PPP1R2: variants seen among roughly 807,000 people sequenced by gnomAD.
PPP1R2 encodes the protein protein phosphatase inhibitor 2.
PPP1R2 carries 16 observed loss-of-function variants against 29.9 expected under a neutral mutation model. That is an observed-to-expected ratio of 0.53 (90% CI 0.36 to 0.81). PPP1R2 has a LOEUF of 0.81. PPP1R2 is among the 30% of genes least tolerant of loss of function. The pLI, the probability that PPP1R2 is intolerant of heterozygous loss-of-function variation, is 0.00. For synonymous variants in PPP1R2, 76 were observed against 91.5 expected, an observed-to-expected ratio of 0.83 and a Z score of 0.96; for missense variants, 197 against 252.7, an observed-to-expected ratio of 0.78 and a Z score of 1.49.
At chr3:195,537,519 G>GTGTGTGTGTGTGTGTGTGTGTGTT (rs1338052818) in intron 1 of PPP1R2, among the ~76,000 whole-genome samples, 15 of 150,282 alleles carry the variant, frequency 1.0e-4, no homozygotes, top group South Asian at 4.2e-4. Context: ...GTGTGTGTGT[G>GTGTGTGTGTGTGTGTGTGTGTGTT]TTTCCATTTC....
intron 4 of PPP1R2, 109 bp downstream of exon 4, chr3:195,523,582 TC>T: frequency 1.3e-6 from 1 of 793,960 alleles, no homozygotes. Context: ...TTCATTCTCC[TC>T]CCCTGTGTGT....
At chr3:195,535,818 A>T (rs1719357330) in intron 1 of PPP1R2, among the ~76,000 whole-genome samples, 1 of 152,184 alleles carries the variant, frequency 6.6e-6, no homozygotes, top group African/African-American at 2.4e-5. Context: ...TATTAGTACC[A>T]CATAGAAGCA....
At chr3:195,522,182 C>T (rs1718786516) in intron 4 of PPP1R2, among the ~76,000 whole-genome samples, 1 of 152,168 alleles carries the variant, frequency 6.6e-6, no homozygotes, top group African/African-American at 2.4e-5. Flanking sequence ...TTTACAGCTG[C>T]CAATTTAGAA....
At chr3:195,529,924 T>A (rs1384101865) in intron 1 of PPP1R2, 23 bp from the exon 2 acceptor site, 9 of 1,524,646 alleles carry the variant, frequency 5.9e-6, no homozygotes, top group Non-Finnish European at 8.1e-6. Context: ...AGAAAAAACG[T>A]TTTTCCCAAT....
intron 1 of PPP1R2, among the ~76,000 whole-genome samples, chr3:195,536,200 A>G (rs1354248634): frequency 6.6e-6 from 1 of 151,642 alleles, no homozygotes; most frequent in African/African-American, 2.4e-5. Flanking sequence ...GCTCATGCCT[A>G]TAAATCCCAA....
At chr3:195,533,201 T>C (rs765061511) in intron 1 of PPP1R2, among the ~76,000 whole-genome samples, 1 of 151,956 alleles carries the variant, frequency 6.6e-6, no homozygotes, top group Non-Finnish European at 1.5e-5. Context: ...ACAAAAAAAT[T>C]AGGCATGGTG....
intron 5 of PPP1R2, 122 bp downstream of exon 5, chr3:195,518,896 G>T (rs914691167): frequency 7.0e-7 from 1 of 1,425,320 alleles, no homozygotes; most frequent in Non-Finnish European, 9.5e-7. Context: ...GAAACATTTG[G>T]TATAATAAAG....
intron 3 of PPP1R2, among the ~76,000 whole-genome samples, 174 bp from the exon 4 acceptor site, chr3:195,523,960 C>T (rs192189901): frequency 2.4e-3 from 362 of 152,156 alleles, no homozygotes; most frequent in African/African-American, 8.1e-3. Flanking sequence ...TGGTGGTACA[C>T]GCCTGTGGTC....
At chr3:195,535,038 C>T (rs557365704) in intron 1 of PPP1R2, among the ~76,000 whole-genome samples, 2 of 152,284 alleles carry the variant, frequency 1.3e-5, no homozygotes, top group African/African-American at 4.8e-5. Flanking sequence ...GCACACATGG[C>T]ACTCTACGCA....
At chr3:195,528,698 AACT>A (rs1235086521) in intron 2 of PPP1R2, 23 of 118,242 alleles carry the variant, frequency 1.9e-4, no homozygotes, top group African/African-American at 6.4e-4. Context: ...GGTAGGGCAT[AACT>A]ATTTTTTTTT....
intron 5 of PPP1R2, 25 bp from the exon 6 acceptor site, chr3:195,516,967 A>G (rs1201538140): frequency 1.2e-6 from 2 of 1,601,716 alleles, no homozygotes; most frequent in Non-Finnish European, 1.7e-6. Flanking sequence ...GAAAAAGTCA[A>G]CATAATTTGT....
intron 2 of PPP1R2, among the ~76,000 whole-genome samples, chr3:195,526,926 C>G (rs1327669132): frequency 3.3e-5 from 5 of 152,010 alleles, no homozygotes; most frequent in Non-Finnish European, 1.5e-5. Context: ...GGGTTATAGG[C>G]GCCCACCACC....
chr3:195,540,450 G>A (rs528877367), intron 1 of PPP1R2, among the ~76,000 whole-genome samples: 1 of 152,310 alleles, frequency 6.6e-6, no homozygotes, highest in South Asian at 2.1e-4. Flanking sequence ...TCTGTTCAAA[G>A]AGGATCTCAT....
rs928449315 is a variant in PPP1R2 at position 195,518,940 on chromosome 3, G to A, written c.571+78C>T. 3.2e-6 allele frequency: 5 copies of A among 1,554,182 alleles called. No individual in the cohort carries two copies. In the Admixed American group the frequency reaches 7.1e-5, roughly 22 times the overall value. ...AGCAAAATTTTCTGTTTTTTCACAA[G>A]TTTAAAGCAAAATAAAGTACATTAT... is the stretch of plus-strand genomic sequence containing the variant. On this transcript the variant is annotated intron_variant, in intron 5 of 5. Transcript: ENST00000618156.
intron 1 of PPP1R2, among the ~76,000 whole-genome samples, chr3:195,531,124 A>G (rs1348374768): frequency 1.3e-5 from 2 of 152,208 alleles, no homozygotes; most frequent in East Asian, 1.9e-4. Flanking sequence ...TGCCTGGCCT[A>G]TAAGTACTTT....
At chr3:195,527,098 T>G (rs1307610164) in intron 2 of PPP1R2, among the ~76,000 whole-genome samples, 2 of 151,884 alleles carry the variant, frequency 1.3e-5, no homozygotes, top group Admixed American at 1.3e-4. Flanking sequence ...TGTTTTAATT[T>G]TTTTTGTGGA....
At chr3:195,537,418 T>TA (rs1302455428) in intron 1 of PPP1R2, among the ~76,000 whole-genome samples, 1 of 151,204 alleles carries the variant, frequency 6.6e-6, no homozygotes, top group African/African-American at 2.4e-5. Flanking sequence ...GATTTTTTTT[T>TA]AAAAAAAGAG....
At chr3:195,539,954 T>C (rs949084802) in intron 1 of PPP1R2, among the ~76,000 whole-genome samples, 18 of 152,352 alleles carry the variant, frequency 1.2e-4, no homozygotes, top group African/African-American at 4.3e-4. Flanking sequence ...TGAATTCTAT[T>C]TTTAAAAATT....
chr3:195,538,656 G>A (rs1424667432), intron 1 of PPP1R2, among the ~76,000 whole-genome samples: 1 of 152,040 alleles, frequency 6.6e-6, no homozygotes, highest in Non-Finnish European at 1.5e-5. Context: ...TTTTCAAGCA[G>A]AATTTGCCTG....
Sources: gnomAD v4.1 joint callset for allele counts (sites outside exome capture counted in the v4.1 genomes callset) on GRCh38, gnomAD v4.1.1 for gene constraint, MANE v1.5 for transcripts, NCBI Gene and HGNC (gene_info 2026-07-23, HGNC 2026-07-21) for gene names.